Variants in SCRN1 observed in about 807,000 individuals in gnomAD.
SCRN1 encodes secernin-1.
A neutral mutation model predicts 43.3 loss-of-function variants in SCRN1; 19 were observed. That is an observed-to-expected ratio of 0.44 (90% confidence interval 0.31 to 0.64). The LOEUF is 0.64. Among genes scored for constraint, SCRN1 ranks in the 30% least tolerant of loss-of-function variants. SCRN1 has a pLI of 0.09. For missense variants in SCRN1, 447 were observed against 524.1 expected, an observed-to-expected ratio of 0.85 and a Z score of 1.44; for synonymous variants, 183 against 188.9, an observed-to-expected ratio of 0.97 and a Z score of 0.26.
chr7:29,976,046 G>A (rs1215376394), intron 1 of SCRN1, among the ~76,000 whole-genome samples: 3 of 152,188 alleles, frequency 2.0e-5, no homozygotes, highest in Non-Finnish European at 4.4e-5. Context: ...TTTTGTGGTA[G>A]AGAAAAGAAG....
chr7:29,926,463 C>T lies in SCRN1; in HGVS notation c.1075G>A (p.Glu359Lys), dbSNP rs751670230. The T allele has an allele frequency of 5.0e-6, 8 of 1,612,320 alleles. No individual in the cohort carries two copies. The highest frequency in any genetic ancestry group is 3.3e-5 in the Admixed American group (2 of 59,986). ...KAHEWARAII[E>K]SDQEQGRKLR... ...TCATGCAAGCTCACCTGGTCACTTT[C>T]GATGATGGCACGTGCCCACTCGTGG... The change falls in exon 7 of 8, where the codon GAA (glutamate) becomes AAA (lysine). Residue 359 changes from glutamate (E) to lysine (K), a missense_variant. Transcript: ENST00000242059.
chr7:29,989,487 C>T (rs943525866), intron 1 of SCRN1, among the ~76,000 whole-genome samples, 155 bp downstream of exon 1: 1 of 152,162 alleles, frequency 6.6e-6, no homozygotes, highest in Admixed American at 6.5e-5. Flanking sequence ...CCAGCCCGCC[C>T]GGGCCAGCAC....
chr7:29,989,894 C>T (rs1022135997), upstream of SCRN1: 4 of 1,051,694 alleles, frequency 3.8e-6, no homozygotes, highest in East Asian at 1.5e-4. Context: ...GCCCCCGGGG[C>T]CCCGCCGCAC....
At chr7:29,977,880 T>C (rs1409871928) in intron 1 of SCRN1, among the ~76,000 whole-genome samples, 1 of 152,220 alleles carries the variant, frequency 6.6e-6, no homozygotes, top group Non-Finnish European at 1.5e-5. Context: ...GTGCTCAGAA[T>C]ACCATTTGGG....
At chr7:29,936,481 T>C in intron 6 of SCRN1, 75 bp downstream of exon 6, 1 of 1,347,664 alleles carries the variant, frequency 7.4e-7, no homozygotes. Context: ...GGTCAGGCGC[T>C]TACTACGCAC....
intron 1 of SCRN1, among the ~76,000 whole-genome samples, chr7:29,973,835 G>A (rs906106208): frequency 4.6e-5 from 7 of 152,194 alleles, no homozygotes; most frequent in Admixed American, 3.3e-4. Flanking sequence ...AAGTGTTCAC[G>A]TAGTGGTATT....
At chr7:29,989,937 G>A, upstream of SCRN1, 8 of 1,283,462 alleles carry the variant, frequency 6.2e-6, no homozygotes, top group South Asian at 1.2e-4. Flanking sequence ...CCGCGGCGCT[G>A]CTCACCGTCG....
intron 6 of SCRN1, 86 bp from the exon 7 acceptor site, chr7:29,926,718 T>A: frequency 4.5e-6 from 4 of 890,078 alleles, no homozygotes; most frequent in Middle Eastern, 4.0e-4. Context: ...AGCAAACATT[T>A]CCCAAGCCAA....
At chr7:29,927,266 C>T (rs1228422611) in intron 6 of SCRN1, among the ~76,000 whole-genome samples, 1 of 152,042 alleles carries the variant, frequency 6.6e-6, no homozygotes, top group Non-Finnish European at 1.5e-5. Flanking sequence ...TCAGTTCTCT[C>T]GGCAGGATGG....
intron 1 of SCRN1, among the ~76,000 whole-genome samples, chr7:29,984,221 A>G (rs900359164): frequency 2.0e-5 from 3 of 151,376 alleles, no homozygotes; most frequent in African/African-American, 4.8e-5. Flanking sequence ...AAAAAAAAAA[A>G]AAAAGAAATC....
At chr7:29,925,368 C>T (rs1266665089) in intron 7 of SCRN1, among the ~76,000 whole-genome samples, 1 of 152,040 alleles carries the variant, frequency 6.6e-6, no homozygotes, top group East Asian at 1.9e-4. Context: ...TTCTATAGTC[C>T]ACCATGTCAA....
chr7:29,927,555 G>A (rs756746027), intron 6 of SCRN1, among the ~76,000 whole-genome samples: 5 of 152,158 alleles, frequency 3.3e-5, no homozygotes, highest in East Asian at 1.9e-4. Flanking sequence ...GCACCTCTGC[G>A]TCCCAAGGAT....
intron 2 of SCRN1, among the ~76,000 whole-genome samples, chr7:29,955,980 A>G (rs1170181866): frequency 6.6e-6 from 1 of 152,238 alleles, no homozygotes; most frequent in Non-Finnish European, 1.5e-5. Flanking sequence ...ACAGAAGGAA[A>G]CAGTCCCATG....
rs996705774 is a variant in SCRN1, at chr7:29,965,834, C to A, written c.159+3075G>T. 2.6e-5 allele frequency among the ~76,000 whole-genome samples: 4 copies of A among 151,970 alleles called. No individual in the cohort carries two copies. Among genetic ancestry groups the A allele is most frequent in the African/African-American group, 9.7e-5 (4 of 41,358 alleles). ...AGCCTCGTCCTTAAAATAATTGTAA[C>A]CATGAGAGTAAAGTAAGAGTTATGT... On this transcript the variant is annotated intron_variant, in intron 2 of 7. Transcript: ENST00000242059. The surrounding 1 kb of genome is among the most constrained non-coding windows in gnomAD (Gnocchi z 4.2).
At chr7:29,935,102 A>T (rs1188917820) in intron 6 of SCRN1, among the ~76,000 whole-genome samples, 1 of 152,158 alleles carries the variant, frequency 6.6e-6, no homozygotes, top group Admixed American at 6.5e-5. Flanking sequence ...CCTTGTACAC[A>T]CTTCATCCAT....
chr7:29,957,749 T>C (rs1295119677), intron 2 of SCRN1, among the ~76,000 whole-genome samples: 3 of 152,154 alleles, frequency 2.0e-5, no homozygotes, highest in Admixed American at 2.0e-4. Flanking sequence ...GGGAGAAATC[T>C]GGGTTGACCT....
intron 1 of SCRN1, among the ~76,000 whole-genome samples, chr7:29,972,274 G>C (rs1001298756): frequency 5.3e-5 from 8 of 152,170 alleles, no homozygotes; most frequent in African/African-American, 1.7e-4. Context: ...TATCTCATAT[G>C]CTCCCTCTCT....
intron 2 of SCRN1, among the ~76,000 whole-genome samples, chr7:29,956,554 A>G (rs1157838495): frequency 2.0e-5 from 3 of 152,256 alleles, no homozygotes; most frequent in African/African-American, 7.2e-5. Context: ...GACTGAATGC[A>G]GCCCACAAAG....
intron 2 of SCRN1, among the ~76,000 whole-genome samples, chr7:29,958,277 G>GT (rs1270917855): frequency 6.6e-6 from 1 of 152,202 alleles, no homozygotes; most frequent in Non-Finnish European, 1.5e-5. Flanking sequence ...TTGGGGAGGG[G>GT]TAAACACACT....
Sources: allele counts gnomAD v4.1 joint callset (sites outside exome capture counted in the v4.1 genomes callset), GRCh38; gene constraint gnomAD v4.1.1; non-coding constraint Gnocchi (gnomAD v3.1); transcripts MANE v1.5; gene names NCBI Gene and HGNC (gene_info 2026-07-23, HGNC 2026-07-21).